ARHGAP35: variants seen among roughly 807,000 people sequenced by gnomAD.
ARHGAP35 encodes Rho GTPase activating protein 35.
Under a neutral mutation model 111.1 loss-of-function variants are expected in ARHGAP35, and 15 were observed. The observed-to-expected ratio is 0.13, with a 90% confidence interval of 0.09 to 0.21. The LOEUF is 0.21. Ranked by LOEUF, ARHGAP35 falls within the 10% of genes least tolerant of loss-of-function variation. The pLI is 1.00. For missense variants in ARHGAP35, 1,262 were observed against 1,873.0 expected (o/e 0.67, Z 6.02); for synonymous variants, 643 against 710.3 (o/e 0.91, Z 1.51).
At chr19:46,915,148 T>G (rs2056156489) in intron 1 of ARHGAP35, among the ~76,000 whole-genome samples, 1 of 152,224 alleles carries the variant, frequency 6.6e-6, no homozygotes, top group African/African-American at 2.4e-5. Context: ...AGATGCTTCC[T>G]TTAGGTATTT....
intron 1 of ARHGAP35, among the ~76,000 whole-genome samples, chr19:46,885,671 G>A (rs1051677979): frequency 1.3e-5 from 2 of 152,130 alleles, no homozygotes; most frequent in African/African-American, 4.8e-5. Context: ...TTGTCTTCTT[G>A]ATCTCTAGTT....
At chr19:46,863,403 A>G (rs970484563) in intron 1 of ARHGAP35, among the ~76,000 whole-genome samples, 6 of 151,898 alleles carry the variant, frequency 4.0e-5, no homozygotes, top group African/African-American at 1.5e-4. Flanking sequence ...CACTTCCACT[A>G]GGTTAGTAGT....
At chr19:46,991,952 T>C (rs1278023986) in intron 5 of ARHGAP35, among the ~76,000 whole-genome samples, 1 of 152,208 alleles carries the variant, frequency 6.6e-6, no homozygotes, top group African/African-American at 2.4e-5. Context: ...ACAACAAATA[T>C]CAAGGTCACT....
At chr19:46,982,199 G>C (rs908602410) in intron 3 of ARHGAP35, among the ~76,000 whole-genome samples, 5 of 151,978 alleles carry the variant, frequency 3.3e-5, no homozygotes, top group African/African-American at 1.2e-4. Context: ...TAAAGGAGCC[G>C]GGTGCGGTGG....
At chr19:46,958,037 G>A (rs1434559581) in intron 3 of ARHGAP35, among the ~76,000 whole-genome samples, 2 of 152,076 alleles carry the variant, frequency 1.3e-5, no homozygotes, top group Admixed American at 1.3e-4. Context: ...TTGAGTAGCT[G>A]GGACTACAGG....
In ARHGAP35 at chr19:46,918,509, C is replaced by T. The variant is rs1050796961; in HGVS notation, c.-167C>T. Among the ~76,000 whole-genome samples, 4 of 151,818 alleles carry T rather than the reference C, an allele frequency of 2.6e-5. No homozygotes were observed. Among genetic ancestry groups the T allele is most frequent in the Admixed American group, 1.3e-4 (2 of 15,236 alleles). On this transcript the variant is annotated 5_prime_UTR_variant, in exon 2 of 7. The change creates a premature stop within an existing upstream ORF in the 5' untranslated region. Coordinates refer to ENST00000672722, the MANE Select transcript of ARHGAP35 (RefSeq NM_004491.5). This position sits in a 1 kb window ranked among gnomAD's most constrained non-coding sequence, Gnocchi z 5.4. ...CTAGGAAGAAATGTTGGCTATTTGG[C>T]GATGAGAGGTGGTGAACAGTGACCA...
In ARHGAP35 at chr19:46,969,080, GTC is replaced by G. The variant is rs1247441399; in HGVS notation, c.3827-18906_3827-18905del. Among the ~76,000 whole-genome samples the G allele has an allele frequency of 4.6e-5, 7 of 151,896 alleles. No individual in the cohort carries two copies. The East Asian group carries it at 1.3e-3, about 29-fold the overall frequency. ...CCAGCCTGGGCCAGAGAGCAGGACT[GTC>G]TCAAAAAAAAAATAGAAAGAAGTAG... is the stretch of plus-strand genomic sequence containing the variant. On this transcript the variant is annotated intron_variant, in intron 3 of 6. Transcript: ENST00000672722.
At chr19:46,909,079 C>A (rs149923518) in intron 1 of ARHGAP35, among the ~76,000 whole-genome samples, 2 of 152,226 alleles carry the variant, frequency 1.3e-5, no homozygotes, top group South Asian at 4.1e-4. Context: ...GTGGTAGGAT[C>A]GCTTGAGCAC....
intron 3 of ARHGAP35, among the ~76,000 whole-genome samples, chr19:46,940,141 C>T (rs575468928): frequency 3.9e-5 from 6 of 152,010 alleles, no homozygotes; most frequent in East Asian, 1.9e-4. Context: ...GAGGCTGAGG[C>T]GGAAGATCAG....
At chr19:46,961,466 T>C (rs1368587707) in intron 3 of ARHGAP35, among the ~76,000 whole-genome samples, 1 of 152,156 alleles carries the variant, frequency 6.6e-6, no homozygotes, top group East Asian at 1.9e-4. Flanking sequence ...AGTGGTAAAA[T>C]GGTAATATGT....
intron 5 of ARHGAP35, among the ~76,000 whole-genome samples, chr19:46,991,883 C>T (rs1318413051): frequency 6.6e-6 from 1 of 152,232 alleles, no homozygotes; most frequent in Admixed American, 6.5e-5. Flanking sequence ...TCTACTTAAT[C>T]CCTGAGAGCA....
chr19:46,874,242 G>A (rs1261805085), intron 1 of ARHGAP35, among the ~76,000 whole-genome samples: 2 of 152,100 alleles, frequency 1.3e-5, no homozygotes, highest in East Asian at 1.9e-4. Flanking sequence ...CTTCCTCTCT[G>A]GGAGAATTTT....
intron 3 of ARHGAP35, among the ~76,000 whole-genome samples, chr19:46,984,753 A>C (rs540212388): frequency 1.2e-4 from 19 of 152,306 alleles, no homozygotes; most frequent in African/African-American, 4.6e-4. Context: ...CAGTGCTTCC[A>C]TTTGTGTGAC....
At position 46,986,600 on chromosome 19, in the gene ARHGAP35, T is replaced by C. The variant is rs1184099816; in HGVS notation, c.3827-1389T>C. Among the ~76,000 whole-genome samples the C allele has an allele frequency of 6.6e-6, 1 of 152,162 alleles. No homozygotes were observed. Among genetic ancestry groups the C allele is most frequent in the African/African-American group, 2.4e-5 (1 of 41,438 alleles). ...TTTTGAATTATATACTTCAACAAAT[T>C]CAGTAAACAAAATTAGAAGACAGAT... On this transcript the variant is annotated intron_variant, in intron 3 of 6. Coordinates refer to ENST00000672722, the MANE Select transcript of ARHGAP35 (RefSeq NM_004491.5). This position sits in a 1 kb window ranked among gnomAD's most constrained non-coding sequence, Gnocchi z 4.3.
In ARHGAP35 at chr19:46,879,534, C is replaced by T. The variant is rs370185980; in HGVS notation, c.-189+18325C>T. ...CCCGGGAGGAAGAGGTTGCAGTGAG[C>T]CAAGATCGCGCCACTGCACTCCAGC... On this transcript the variant is annotated intron_variant, in intron 1 of 6. Coordinates refer to ENST00000672722, the MANE Select transcript of ARHGAP35 (RefSeq NM_004491.5). Among the ~76,000 whole-genome samples, 41 of 151,442 alleles carry T rather than the reference C, an allele frequency of 2.7e-4. No homozygotes were observed. The East Asian group carries it at 3.1e-3, about 11-fold the overall frequency.
At chr19:46,890,341 T>C (rs1244454630) in intron 1 of ARHGAP35, among the ~76,000 whole-genome samples, 1 of 152,244 alleles carries the variant, frequency 6.6e-6, no homozygotes, top group Non-Finnish European at 1.5e-5. Flanking sequence ...TGTCTTTCTA[T>C]TTGAAATAAT....
At chr19:46,924,750 C>T (rs2056228794) in intron 2 of ARHGAP35, among the ~76,000 whole-genome samples, 1 of 152,226 alleles carries the variant, frequency 6.6e-6, no homozygotes, top group South Asian at 2.1e-4. Context: ...GTTGCCAGAA[C>T]AGCTTAAAAA....
At chr19:46,938,642 G>A (rs973906099) in intron 3 of ARHGAP35, among the ~76,000 whole-genome samples, 7 of 145,158 alleles carry the variant, frequency 4.8e-5, no homozygotes, top group Non-Finnish European at 1.1e-4. Context: ...CATGAGTTAC[G>A]GTGCCCAGCC....
In ARHGAP35 at chr19:46,891,450, T is replaced by G. The variant is rs185456136; in HGVS notation, c.-188-27038T>G. Among the ~76,000 whole-genome samples, 15 of 151,134 alleles carry G rather than the reference T, an allele frequency of 9.9e-5. 1 individual carries two copies. The highest frequency in any genetic ancestry group is 3.6e-4 in the African/African-American group (15 of 41,174). On this transcript the variant is annotated intron_variant, in intron 1 of 6. Transcript: ENST00000672722. ...TTTTTTTTTGTTTTTTTTTTTTAGA[T>G]GGAGTCTCGCTCTGTAACCAGGCTG...
Sources: allele counts gnomAD v4.1 joint callset (sites outside exome capture counted in the v4.1 genomes callset), GRCh38; gene constraint gnomAD v4.1.1; non-coding constraint Gnocchi (gnomAD v3.1); transcripts MANE v1.5; gene names NCBI Gene and HGNC (gene_info 2026-07-23, HGNC 2026-07-21).